THBS1: variants seen among roughly 807,000 people sequenced by gnomAD.
THBS1 encodes thrombospondin-1.
A neutral mutation model predicts 126.1 loss-of-function variants in THBS1; 29 were observed. That is an observed-to-expected ratio of 0.23 (90% CI 0.17 to 0.31). The LOEUF (loss-of-function observed/expected upper bound fraction) is 0.31, where lower values mean the gene tolerates loss of function less well. Ranked by LOEUF, THBS1 falls within the 10% of genes least tolerant of loss-of-function variation. The pLI, the probability that THBS1 is intolerant of heterozygous loss-of-function variation, is 1.00. For synonymous variants in THBS1, 496 were observed against 577.8 expected (o/e 0.86, Z 2.03); for missense variants, 1,198 against 1,545.2 (o/e 0.78, Z 3.77).
intron 7 of THBS1, chr15:39,586,642 G>C (rs1240163796): frequency 2.0e-5 from 3 of 152,162 alleles, no homozygotes; most frequent in Non-Finnish European, 4.4e-5. Context: ...ACAACAGCTC[G>C]GCTGCCTTCA....
rs1595513300 is a variant in THBS1, at chr15:39,593,657, A to T, written c.3256A>T (p.Thr1086Ser). 5.0e-6 allele frequency: 8 copies of T among 1,613,236 alleles called. No individual in the cohort carries two copies. In the East Asian group the frequency reaches 1.8e-4, roughly 36 times the overall value. The part of the protein sequence containing the change: ...LRNALWHTGN[T>S]PGQVRTLWHD... Reference sequence around the variant, plus strand: ...GAACGCCCTGTGGCACACAGGAAACACCCCTGGCCAGGTAAGAAGCAAAGC... The same window carrying T: ...GAACGCCCTGTGGCACACAGGAAACTCCCCTGGCCAGGTAAGAAGCAAAGC... The change falls in exon 19 of 22, where the codon ACC becomes TCC. Residue 1086 changes from threonine to serine, a missense_variant. Physicochemically the swap from Thr to Ser is moderately conservative, Grantham distance 58. This residue lies in a region of THBS1 where 255 missense variants were observed against 373.9 expected (regional missense o/e 0.68). Transcript: ENST00000260356. The surrounding 1 kb of genome is among the most constrained non-coding windows in gnomAD (Gnocchi z 5.9).
In THBS1 at chr15:39,593,770, A is replaced by G. The variant is rs1890377428; in HGVS notation, c.3267+102A>G. ...AGACTCTGACCAGGGAGTCTTAGAA[A>G]GTTCCCAGCATCACCAGCTGCAGCA... On this transcript the variant is annotated intron_variant, in intron 19 of 21. Transcript: ENST00000260356. The surrounding 1 kb of genome is among the most constrained non-coding windows in gnomAD (Gnocchi z 5.9). The G allele has an allele frequency of 1.3e-6, 2 of 1,485,130 alleles. No homozygotes were observed. Among genetic ancestry groups the G allele is most frequent in the Non-Finnish European group, 9.1e-7 (1 of 1,104,316 alleles). 92.0% of individuals were successfully genotyped at this position (1,485,130 alleles called of 1,614,324 possible).
rs774742586 is a variant in THBS1, at chr15:39,588,583, G to A, written c.1529G>A (p.Gly510Glu). ...PWDICSVTCG[G>E]GVQKRSRLCN... The stretch of plus-strand genomic sequence containing the variant: ...GACATCTGTTCTGTCACCTGTGGAG[G>A]AGGGGTACAGAAACGTAGTCGTCTC... Residue 510 changes from glycine (G) to glutamate (E), a missense_variant, in exon 10 of 22, where the codon GGA becomes GAA. Physicochemically the swap from Gly to Glu is moderately conservative, Grantham distance 98 (BLOSUM62 -2). Transcript: ENST00000260356. 38 of 1,607,744 alleles carry A rather than the reference G, an allele frequency of 2.4e-5. No homozygotes were observed. The African/African-American group carries it at 4.4e-4, about 19-fold the overall frequency.
chr15:39,588,277 C>A (rs1030689806), intron 9 of THBS1, 59 bp downstream of exon 9: 15 of 1,567,532 alleles, frequency 9.6e-6, no homozygotes, highest in Non-Finnish European at 1.2e-5. Flanking sequence ...CAGCTGGTTG[C>A]CTGGCATCTG....
rs149103241 is a variant in THBS1 at position 39,582,426 on chromosome 15, C to G, written c.301C>G (p.Arg101Gly). Reference protein sequence around the residue: ...LASLRQMKKTRGTLLALERKD... With the variant: ...LASLRQMKKTGGTLLALERKD... ...ATCCCTGAGGCAGATGAAGAAGACC[C>G]GGGGCACGCTGCTGGCCCTGGAGCG... Residue 101 changes from arginine (R) to glycine (G), a missense_variant, in exon 3 of 22, where the codon CGG becomes GGG. Physicochemically the swap from Arg to Gly is moderately radical, Grantham distance 125 (BLOSUM62 -2). This residue lies in a region of THBS1 where 271 missense variants were observed against 277.0 expected (regional missense o/e 0.98). Coordinates refer to ENST00000260356, the MANE Select transcript of THBS1 (RefSeq NM_003246.4). 2.7e-5 allele frequency: 44 copies of G among 1,613,934 alleles called. No homozygotes were observed. Among genetic ancestry groups the G allele is most frequent in the Non-Finnish European group, 3.6e-5 (42 of 1,179,974 alleles).
Position 39,584,294 on chromosome 15 carries a change from A to G in THBS1, c.904-6A>G, listed in dbSNP as rs149761235. 701 of 1,614,232 alleles carry G rather than the reference A, an allele frequency of 4.3e-4. 3 individuals carry two copies. Among genetic ancestry groups the G allele is most frequent in the Middle Eastern group, 3.3e-3 (20 of 6,062 alleles). ...GGGGACACTAATGATATTCTCTCCCATTTAGACTGAAGAGAACAAAGAGTT... is the reference window on the plus strand; with the variant it reads ...GGGGACACTAATGATATTCTCTCCCGTTTAGACTGAAGAGAACAAAGAGTT... On this transcript the variant is annotated splice_region_variant and splice_polypyrimidine_tract_variant and intron_variant, in intron 5 of 21. Transcript: ENST00000260356.
Position 39,595,505 on chromosome 15 carries a change from TC to T in THBS1, c.*138del. 1 of 1,202,614 alleles carries T rather than the reference TC, an allele frequency of 8.3e-7. No homozygotes were observed. The highest frequency in any genetic ancestry group is 1.1e-6 in the Non-Finnish European group (1 of 871,124). 74.5% of individuals were successfully genotyped at this position (1,202,614 alleles called of 1,614,324 possible). ...TTTCTGTGCTTGCATCAGTGTGGAC[TC>T]CTAGAACGTGCGACCTGCCTCAAGA... On this transcript the variant is annotated 3_prime_UTR_variant, in exon 22 of 22. Coordinates refer to ENST00000260356, the MANE Select transcript of THBS1 (RefSeq NM_003246.4).
Position 39,589,790 on chromosome 15 carries a change from A to G in THBS1, c.1927-15A>G. The G allele has an allele frequency of 6.3e-7, 1 of 1,585,266 alleles. No individual in the cohort carries two copies. The highest frequency in any genetic ancestry group is 8.6e-7 in the Non-Finnish European group (1 of 1,165,420). On this transcript the variant is annotated splice_polypyrimidine_tract_variant and intron_variant, in intron 12 of 21. Transcript: ENST00000260356. The surrounding 1 kb of genome is among the most constrained non-coding windows in gnomAD (Gnocchi z 4.7). ...CTCAAAAGCTCTGTGTAACAGCAGC[A>G]TGGTGTACCCTCAGGTGTGCAAGCC...
rs769548673 is a variant in THBS1, at chr15:39,591,627, G to A, written c.2532+4G>A. The A allele has an allele frequency of 6.2e-7, 1 of 1,611,926 alleles. No homozygotes were observed. On this transcript the variant is annotated splice_donor_region_variant and intron_variant, in intron 16 of 21. Transcript: ENST00000260356. Reference sequence around the variant, plus strand: ...CTTGGAACACAATCCGGATCAGGTAGGTGGATGGACTCCTTTCAGAGTCTT... The same window carrying A: ...CTTGGAACACAATCCGGATCAGGTAAGTGGATGGACTCCTTTCAGAGTCTT...
Position 39,594,408 on chromosome 15 carries a change from T to C in THBS1, c.3473T>C (p.Val1158Ala). 6.2e-7 allele frequency: 1 copy of C among 1,614,232 alleles called. No individual in the cohort carries two copies. The highest frequency in any genetic ancestry group is 8.5e-7 in the Non-Finnish European group (1 of 1,180,042). The change falls in exon 21 of 22, where the codon GTG becomes GCG. Residue 1158 changes from valine (V) to alanine (A), a missense_variant. Physicochemically the swap from Val to Ala is moderately conservative, Grantham distance 64. Transcript: ENST00000260356. This position sits in a 1 kb window ranked among gnomAD's most constrained non-coding sequence, Gnocchi z 4.4. ...TTGTTTGTCTTCTCTCAAGAAATGG[T>C]GTTCTTCTCTGACCTGAAATACGAA... ...LGLFVFSQEM[V>A]FFSDLKYECR...
Position 39,582,655 on chromosome 15 carries a change from C to T in THBS1, c.530C>T (p.Ala177Val). 1 of 1,613,804 alleles carries T rather than the reference C, an allele frequency of 6.2e-7. No homozygotes were observed. Among genetic ancestry groups the T allele is most frequent in the Non-Finnish European group, 8.5e-7 (1 of 1,180,048 alleles). Residue 177 changes from alanine (A) to valine (V), a missense_variant, in exon 3 of 22, where the codon GCT (alanine) becomes GTT (valine). Transcript: ENST00000260356. ...ATCGACTGTGAAAAGATGGAGAATGCTGAGTTGGACGTCCCCATCCAAAGC... is the reference window on the plus strand; with the variant it reads ...ATCGACTGTGAAAAGATGGAGAATGTTGAGTTGGACGTCCCCATCCAAAGC... ...LYIDCEKMEN[A>V]ELDVPIQSVF...
Position 39,592,877 on chromosome 15 carries a change from C to T in THBS1, c.2767+75C>T. ...GTAGATTGAAGAAATGAAACCAAGG[C>T]TCAAAGCATTTGACAGGATGAAGGG... On this transcript the variant is annotated intron_variant, in intron 17 of 21. Coordinates refer to ENST00000260356, the MANE Select transcript of THBS1 (RefSeq NM_003246.4). The surrounding 1 kb of genome is among the most constrained non-coding windows in gnomAD (Gnocchi z 4.3). 1 of 1,554,150 alleles carries T rather than the reference C, an allele frequency of 6.4e-7. No individual in the cohort carries two copies. The highest frequency in any genetic ancestry group is 8.8e-7 in the Non-Finnish European group (1 of 1,138,392).
In THBS1 at chr15:39,592,124, A is replaced by T. The variant is rs1041354190; in HGVS notation, c.2533-444A>T. ...TACCCAGACAGTATACAACACAGGG[A>T]CCAGTGGTCTGTTTCCATCTTTTCA... On this transcript the variant is annotated intron_variant, in intron 16 of 21. Coordinates refer to ENST00000260356, the MANE Select transcript of THBS1 (RefSeq NM_003246.4). The surrounding 1 kb of genome is among the most constrained non-coding windows in gnomAD (Gnocchi z 4.3). Among the ~76,000 whole-genome samples the T allele has an allele frequency of 6.6e-6, 1 of 152,224 alleles. No homozygotes were observed. The highest frequency in any genetic ancestry group is 1.5e-5 in the Non-Finnish European group (1 of 68,050).
In THBS1 at chr15:39,583,309, C is replaced by G. The variant is rs112069802; in HGVS notation, c.628-308C>G. Among the ~76,000 whole-genome samples, 1,412 of 152,298 alleles carry G rather than the reference C, an allele frequency of 9.3e-3. 26 individuals are homozygous for G. Among genetic ancestry groups the G allele is most frequent in the African/African-American group, 0.032 (1,343 of 41,568 alleles). On this transcript the variant is annotated intron_variant, in intron 3 of 21. Transcript: ENST00000260356. ...TGGCTTTGAACTCCCACATTTAACTCTTTGACACTGGAAAGTGTCATTATA... is the reference window on the plus strand; with the variant it reads ...TGGCTTTGAACTCCCACATTTAACTGTTTGACACTGGAAAGTGTCATTATA...
At chr15:39,582,873 A>G (rs1011512991) in intron 3 of THBS1, 121 bp downstream of exon 3, 4 of 1,152,058 alleles carry the variant, frequency 3.5e-6, no homozygotes, top group East Asian at 5.1e-5. Flanking sequence ...TTTAGGCAGC[A>G]TGAGCATCAC....
Position 39,594,339 on chromosome 15 carries a change from C to G in THBS1, c.3404C>G (p.Ser1135Ter). Residue 1135 changes from serine (S) to a stop codon, truncating the protein, a stop_gained, in exon 21 of 22, where the codon TCA becomes TGA. Transcript: ENST00000260356. LOFTEE classifies it high-confidence loss of function. The surrounding 1 kb of genome is among the most constrained non-coding windows in gnomAD (Gnocchi z 4.4). ...MYEGKKIMAD[S>*]GPIYDKTYAG... The stretch of plus-strand genomic sequence containing the variant: ...GAAGGGAAGAAAATCATGGCTGACT[C>G]AGGACCCATCTATGATAAAACCTAT... The G allele has an allele frequency of 6.2e-7, 1 of 1,614,194 alleles. No homozygotes were observed. The highest frequency in any genetic ancestry group is 8.5e-7 in the Non-Finnish European group (1 of 1,180,038).
rs149002117 is a variant in THBS1, at chr15:39,589,596, C to T, written c.1927-209C>T. ...AGTTGTGAGCAGATGGACTTGTAAACGCCTAGGTGCTGAGCAAATTCAAGA... is the reference window on the plus strand; with the variant it reads ...AGTTGTGAGCAGATGGACTTGTAAATGCCTAGGTGCTGAGCAAATTCAAGA... On this transcript the variant is annotated intron_variant, in intron 12 of 21. Transcript: ENST00000260356. The surrounding 1 kb of genome is among the most constrained non-coding windows in gnomAD (Gnocchi z 4.7). Among the ~76,000 whole-genome samples, 8 of 152,262 alleles carry T rather than the reference C, an allele frequency of 5.3e-5. No individual in the cohort carries two copies. Among genetic ancestry groups the T allele is most frequent in the African/African-American group, 1.9e-4 (8 of 41,532 alleles).
At position 39,594,780 on chromosome 15, in the gene THBS1, T is replaced by C. The variant is rs1391233002; in HGVS notation, c.3505+340T>C. ...TTATATATCTTACTGCTTATTGTTT[T>C]ATGCATGCCATCACAGCACGAGTTA... On this transcript the variant is annotated intron_variant, in intron 21 of 21. Coordinates refer to ENST00000260356, the MANE Select transcript of THBS1 (RefSeq NM_003246.4). The surrounding 1 kb of genome is among the most constrained non-coding windows in gnomAD (Gnocchi z 4.4). 6.6e-6 allele frequency among the ~76,000 whole-genome samples: 1 copy of C among 152,244 alleles called. No homozygotes were observed. Among genetic ancestry groups the C allele is most frequent in the African/African-American group, 2.4e-5 (1 of 41,472 alleles).
chr15:39,585,420 T>A (rs1200540500), intron 6 of THBS1, 50 bp from the exon 7 acceptor site: 1 of 1,539,500 alleles, frequency 6.5e-7, no homozygotes, highest in East Asian at 2.3e-5. Context: ...TAGACTTCTG[T>A]ATGCAACATG....
Sources: allele counts gnomAD v4.1 joint callset (sites outside exome capture counted in the v4.1 genomes callset), GRCh38; gene constraint gnomAD v4.1.1; regional missense constraint gnomAD v4.1.1; non-coding constraint Gnocchi (gnomAD v3.1); transcripts MANE v1.5; gene names NCBI Gene and HGNC (gene_info 2026-07-23, HGNC 2026-07-21).